The following UBR3 variants were observed in gnomAD, a reference collection of about 807,000 sequenced individuals.
UBR3 encodes E3 ubiquitin-protein ligase UBR3.
A neutral mutation model predicts 243.2 loss-of-function variants in UBR3; 85 were observed. That is an observed-to-expected ratio of 0.35 (90% CI 0.29 to 0.42). UBR3 has a LOEUF of 0.42. UBR3 is among the 10% of genes least tolerant of loss of function. UBR3 has a pLI of 1.00. For missense variants in UBR3, 1,686 were observed against 2,300.8 expected (o/e 0.73, Z 5.47); for synonymous variants, 748 against 799.8 (o/e 0.94, Z 1.09).
chr2:169,871,519 G>A (rs1258015450), intron 1 of UBR3, among the ~76,000 whole-genome samples: 13 of 151,806 alleles, frequency 8.6e-5, no homozygotes, highest in South Asian at 2.1e-4. Flanking sequence ...CGAGGCGGGC[G>A]GAGCACCTGA....
chr2:169,865,265 G>C (rs1186564484), intron 1 of UBR3, among the ~76,000 whole-genome samples: 4 of 152,046 alleles, frequency 2.6e-5, no homozygotes, highest in South Asian at 2.1e-4. Context: ...TTCCTGCCTT[G>C]AACTGAGTAT....
rs561663245 is a variant in UBR3 at position 170,027,919 on chromosome 2, T to C, written c.4454-1427T>C. On this transcript the variant is annotated intron_variant, in intron 30 of 38. Transcript: ENST00000272793. ...AACTGGAAATTTGGGAAACTTAACTTGCCTCAAAAGTGAGGGTTAATAATA... is the reference window on the plus strand; with the variant it reads ...AACTGGAAATTTGGGAAACTTAACTCGCCTCAAAAGTGAGGGTTAATAATA... Among the ~76,000 whole-genome samples the C allele has an allele frequency of 2.0e-5, 3 of 152,016 alleles. No homozygotes were observed. The South Asian group carries it at 6.2e-4, about 32-fold the overall frequency.
At chr2:169,842,170 C>G (rs1048090355) in intron 1 of UBR3, among the ~76,000 whole-genome samples, 8 of 152,072 alleles carry the variant, frequency 5.3e-5, no homozygotes, top group Non-Finnish European at 1.2e-4. Flanking sequence ...TTTGTAAATA[C>G]ACCAATCAGC....
chr2:170,009,350 A>C (rs2090016674), intron 29 of UBR3, among the ~76,000 whole-genome samples: 1 of 152,166 alleles, frequency 6.6e-6, no homozygotes. Context: ...TTTAAATAGA[A>C]ACCGAAAAGA....
In UBR3 at chr2:169,950,000, G is replaced by A. The variant is rs1310353341; in HGVS notation, c.3480G>A (p.Val1160=). ...TCATTGAAGAGATATGTAGAAAAGT[G>A]ACCCCTCCTGTACCACCTAAAAAAG... ...KRIIEEICRK[V]TPPVPPKKVT... The change falls in exon 23 of 39, where the codon GTG becomes GTA. Residue 1160 remains valine, a synonymous_variant. Coordinates refer to ENST00000272793, the MANE Select transcript of UBR3 (RefSeq NM_172070.4). 3 of 1,612,776 alleles carry A rather than the reference G, an allele frequency of 1.9e-6. No homozygotes were observed. The highest frequency in any genetic ancestry group is 2.2e-5 in the East Asian group (1 of 44,874).
rs1216208299 is a variant in UBR3, at chr2:169,960,874, G to A, written c.3634+2348G>A. Among the ~76,000 whole-genome samples the A allele has an allele frequency of 1.3e-5, 2 of 152,018 alleles. 1 individual carries two copies. Among genetic ancestry groups the A allele is most frequent in the African/African-American group, 4.8e-5 (2 of 41,368 alleles). On this transcript the variant is annotated intron_variant, in intron 24 of 38. Coordinates refer to ENST00000272793, the MANE Select transcript of UBR3 (RefSeq NM_172070.4). Reference sequence around the variant, plus strand: ...AAGACTAGATAATGTGCTACATAATGGTTCTACATCGACTGTTTTTGAGTC... The same window carrying A: ...AAGACTAGATAATGTGCTACATAATAGTTCTACATCGACTGTTTTTGAGTC...
Position 169,944,375 on chromosome 2 carries a change from G to A in UBR3, c.2805+1741G>A, listed in dbSNP as rs550268785. Reference sequence around the variant, plus strand: ...GACAAGTAATTCATGAAAAATTAAGGAAGCCTTATGGCAAATTATTTATTA... The same window carrying A: ...GACAAGTAATTCATGAAAAATTAAGAAAGCCTTATGGCAAATTATTTATTA... On this transcript the variant is annotated intron_variant, in intron 20 of 38. Transcript: ENST00000272793. Among the ~76,000 whole-genome samples, 4 of 152,098 alleles carry A rather than the reference G, an allele frequency of 2.6e-5. No individual in the cohort carries two copies. In the South Asian group the frequency reaches 8.3e-4, roughly 32 times the overall value.
At chr2:169,914,761 C>G (rs1014787230) in intron 11 of UBR3, among the ~76,000 whole-genome samples, 2 of 152,104 alleles carry the variant, frequency 1.3e-5, no homozygotes, top group Non-Finnish European at 2.9e-5. Context: ...CAGCTCACCC[C>G]CACTTTATCT....
intron 1 of UBR3, among the ~76,000 whole-genome samples, chr2:169,836,343 C>T (rs376019697): frequency 6.6e-6 from 1 of 151,620 alleles, no homozygotes; most frequent in East Asian, 1.9e-4. Context: ...CCTCAGCCTC[C>T]CAGAGTGCTG....
intron 31 of UBR3, among the ~76,000 whole-genome samples, chr2:170,037,989 A>G (rs1371340531): frequency 6.6e-6 from 1 of 152,206 alleles, no homozygotes; most frequent in Admixed American, 6.5e-5. Flanking sequence ...CATTTTGAGA[A>G]AGATTGCTTG....
intron 24 of UBR3, among the ~76,000 whole-genome samples, chr2:169,967,849 G>A (rs1028084822): frequency 2.0e-5 from 3 of 151,640 alleles, no homozygotes; most frequent in Non-Finnish European, 4.4e-5. Context: ...AAGTAGGGCT[G>A]GAGATATGAA....
intron 19 of UBR3, among the ~76,000 whole-genome samples, chr2:169,934,326 A>C (rs918109803): frequency 6.6e-6 from 1 of 152,202 alleles, no homozygotes; most frequent in African/African-American, 2.4e-5. Flanking sequence ...TGAATGTATA[A>C]GAATTAAGTA....
chr2:169,926,482 G>T (rs368762145), intron 14 of UBR3, among the ~76,000 whole-genome samples: 39 of 152,010 alleles, frequency 2.6e-4, no homozygotes, highest in Non-Finnish European at 5.1e-4. Flanking sequence ...CCAGCTACTC[G>T]GGAGACTGGG....
chr2:169,924,501 G>C (rs1451836172), intron 13 of UBR3, among the ~76,000 whole-genome samples: 3 of 152,092 alleles, frequency 2.0e-5, no homozygotes, highest in African/African-American at 7.2e-5. Context: ...CAAGGTTTAA[G>C]GTAATTCACC....
chr2:169,840,320 A>G (rs1037233860), intron 1 of UBR3, among the ~76,000 whole-genome samples: 1 of 152,146 alleles, frequency 6.6e-6, no homozygotes, highest in Non-Finnish European at 1.5e-5. Context: ...TAGTTAGCAG[A>G]GAAGTTATTT....
At chr2:170,059,413 AAACTT>A (rs1209234776) in intron 33 of UBR3, among the ~76,000 whole-genome samples, 1 of 152,198 alleles carries the variant, frequency 6.6e-6, no homozygotes, top group Non-Finnish European at 1.5e-5. Context: ...ACATTTAGAG[AAACTT>A]AACTATGCCA....
intron 35 of UBR3, among the ~76,000 whole-genome samples, chr2:170,062,749 T>C (rs1402100065): frequency 1.3e-5 from 2 of 152,348 alleles, no homozygotes; most frequent in South Asian, 4.1e-4. Context: ...GTCATTTGTT[T>C]TTATGAGAAA....
rs754556706 is a variant in UBR3 at position 170,055,487 on chromosome 2, T to A, written c.4688T>A (p.Leu1563His). The change falls in exon 33 of 39, where the codon CTT becomes CAT. Residue 1563 changes from leucine to histidine, a missense_variant. Physicochemically the swap from Leu to His is moderately conservative, Grantham distance 99. Transcript: ENST00000272793. ...KDHFTCIVKVLFTLLYTQALA... is the reference protein window; with the variant it reads ...KDHFTCIVKVHFTLLYTQALA... ...CACTTTACCTGCATTGTGAAGGTAC[T>A]TTTTACCCTACTGTACACACAGGCT... 3.7e-6 allele frequency: 6 copies of A among 1,613,518 alleles called. No individual in the cohort carries two copies. Among genetic ancestry groups the A allele is most frequent in the South Asian group, 3.3e-5 (3 of 91,026 alleles).
At chr2:170,003,637 A>G (rs1377367001) in intron 27 of UBR3, among the ~76,000 whole-genome samples, 1 of 151,776 alleles carries the variant, frequency 6.6e-6, no homozygotes, top group East Asian at 1.9e-4. Flanking sequence ...AGGTATACAC[A>G]GAGTCTTTTT....
Sources: gnomAD v4.1 joint callset for allele counts (sites outside exome capture counted in the v4.1 genomes callset) on GRCh38, gnomAD v4.1.1 for gene constraint, MANE v1.5 for transcripts, NCBI Gene and HGNC (gene_info 2026-07-23, HGNC 2026-07-21) for gene names.